The following GPR4 variants were observed in gnomAD, a reference collection of about 807,000 sequenced individuals.
The protein encoded by GPR4 is G protein-coupled receptor 4, also known as G-prodeshotein coupled receptor 4.
GPR4 carries 11 observed loss-of-function variants against 17.8 expected under a neutral mutation model. That is an observed-to-expected ratio of 0.62 (90% CI 0.39 to 1.02). The LOEUF is 1.02. Among genes scored for constraint, GPR4 ranks in the 50% least tolerant of loss-of-function variants. The pLI is 0.00. For missense variants in GPR4, 364 were observed against 495.4 expected (o/e 0.73, Z 2.52); for synonymous variants, 219 against 222.8 (o/e 0.98, Z 0.15).
chr19:45,592,817 A>T (rs551597793), intron 1 of GPR4, 120 bp from the exon 2 acceptor site: 1 of 157,480 alleles, frequency 6.4e-6, no homozygotes, highest in South Asian at 2.1e-4. Flanking sequence ...TGCCTACTTC[A>T]GCCCCATCCT....
At chr19:45,599,439 C>CT (rs1460825337) in intron 1 of GPR4, among the ~76,000 whole-genome samples, 4 of 151,438 alleles carry the variant, frequency 2.6e-5, no homozygotes, top group Non-Finnish European at 5.9e-5. Flanking sequence ...CCCCCCTCCC[C>CT]GCCTTCTCCC....
chr19:45,596,615 A>T (rs573811067), intron 1 of GPR4, among the ~76,000 whole-genome samples: 9 of 151,198 alleles, frequency 6.0e-5, no homozygotes, highest in African/African-American at 2.2e-4. Context: ...TGCAATCTTG[A>T]CTCACTGCAG....
Position 45,591,941 on chromosome 19 carries a change from G to C in GPR4, c.-75C>G. The C allele has an allele frequency of 6.7e-7, 1 of 1,483,024 alleles. No homozygotes were observed. Among genetic ancestry groups the C allele is most frequent in the Non-Finnish European group, 9.0e-7 (1 of 1,110,272 alleles). 91.9% of individuals were successfully genotyped at this position (1,483,024 alleles called of 1,614,324 possible). On this transcript the variant is annotated 5_prime_UTR_variant, in exon 2 of 2. Coordinates refer to ENST00000323040, the MANE Select transcript of GPR4 (RefSeq NM_005282.3). This position sits in a 1 kb window ranked among gnomAD's most constrained non-coding sequence, Gnocchi z 7.6. ...GGGGCCACAGGGAGCGGGAGGCCAT[G>C]GGGCCCCCTGAGCCCCTTCCTTGGA...
At chr19:45,601,674 G>A (rs1600028183) in intron 1 of GPR4, among the ~76,000 whole-genome samples, 2 of 151,984 alleles carry the variant, frequency 1.3e-5, no homozygotes, top group African/African-American at 4.8e-5. Flanking sequence ...GGAAGGGAGA[G>A]AGCAAAGAGA....
intron 1 of GPR4, among the ~76,000 whole-genome samples, chr19:45,598,681 G>A (rs1970082827): frequency 6.6e-6 from 1 of 152,140 alleles, no homozygotes; most frequent in Non-Finnish European, 1.5e-5. Context: ...CGACGTATGT[G>A]TGGCAGCTGG....
chr19:45,591,497 G>A lies in GPR4; in HGVS notation c.370C>T (p.Arg124Cys). ...TTGACGCGGCGCAGGCGGGCGAAGCGGAGTGGGTGGGCCACAGCCAGGTAG... is the reference window on the plus strand; with the variant it reads ...TTGACGCGGCGCAGGCGGGCGAAGCAGAGTGGGTGGGCCACAGCCAGGTAG... ...DRYLAVAHPL[R>C]FARLRRVKTA... The change falls in exon 2 of 2, where the codon CGC (arginine) becomes TGC (cysteine). Residue 124 changes from arginine (R) to cysteine (C), a missense_variant. By Grantham distance (180) the Arg-to-Cys change is radical (BLOSUM62 -3). Transcript: ENST00000323040. This position sits in a 1 kb window ranked among gnomAD's most constrained non-coding sequence, Gnocchi z 7.6. The A allele has an allele frequency of 1.2e-6, 2 of 1,612,008 alleles. No homozygotes were observed. The highest frequency in any genetic ancestry group is 2.2e-5 in the East Asian group (1 of 44,850).
At chr19:45,594,172 G>A (rs1031487963) in intron 1 of GPR4, among the ~76,000 whole-genome samples, 1 of 144,528 alleles carries the variant, frequency 6.9e-6, no homozygotes, top group Non-Finnish European at 1.5e-5. Flanking sequence ...CCCTGTAATC[G>A]CAGCACTTTG....
chr19:45,590,845 C>T lies in GPR4; in HGVS notation c.1022G>A (p.Ser341Asn). 1.9e-6 allele frequency: 3 copies of T among 1,611,990 alleles called. No individual in the cohort carries two copies. In the South Asian group the frequency reaches 3.3e-5, roughly 18 times the overall value. Residue 341 changes from serine to asparagine, a missense_variant, in exon 2 of 2, where the codon AGC becomes AAC. Ser to Asn is a conservative substitution (Grantham distance 46, BLOSUM62 1). Coordinates refer to ENST00000323040, the MANE Select transcript of GPR4 (RefSeq NM_005282.3). ...RNSTAKAMTG[S>N]WAATPPSQGD... Reference sequence around the variant, plus strand: ...CTGGGAGGGCGGAGTGGCCGCCCAGCTGCCAGTCATGGCTTTGGCTGTGCT... The same window carrying T: ...CTGGGAGGGCGGAGTGGCCGCCCAGTTGCCAGTCATGGCTTTGGCTGTGCT...
rs1422515396 is a variant in GPR4, at chr19:45,591,745, G to T, written c.122C>A (p.Ala41Glu). The change falls in exon 2 of 2, where the codon GCG becomes GAG. Residue 41 changes from alanine to glutamate, a missense_variant. Physicochemically the swap from Ala to Glu is moderately radical, Grantham distance 107. This residue lies in a region of GPR4 where 271 missense variants were observed against 373.1 expected (regional missense o/e 0.73). Coordinates refer to ENST00000323040, the MANE Select transcript of GPR4 (RefSeq NM_005282.3). This position sits in a 1 kb window ranked among gnomAD's most constrained non-coding sequence, Gnocchi z 7.6. ...GLPTNCLALW[A>E]AYRQVQQRNE... ...GCGCTGTTGCACCTGGCGGTAGGCC[G>T]CCCACAGAGCCAGGCAGTTGGTGGG... is the stretch of plus-strand genomic sequence containing the variant. 6.2e-7 allele frequency: 1 copy of T among 1,613,632 alleles called. No individual in the cohort carries two copies. Among genetic ancestry groups the T allele is most frequent in the African/African-American group, 1.3e-5 (1 of 74,942 alleles).
intron 1 of GPR4, among the ~76,000 whole-genome samples, chr19:45,599,433 C>CG (rs1325758192): frequency 2.6e-5 from 4 of 151,702 alleles, no homozygotes; most frequent in Non-Finnish European, 5.9e-5. Context: ...ACCACCCCCC[C>CG]CTCCCCGCCT....
intron 1 of GPR4, among the ~76,000 whole-genome samples, chr19:45,598,407 G>T (rs539153868): frequency 2.6e-5 from 4 of 151,954 alleles, no homozygotes; most frequent in African/African-American, 9.7e-5. Context: ...ACCTAACTCG[G>T]GTACCCGGGC....
chr19:45,590,948 AG>A lies in GPR4; in HGVS notation c.918del (p.Leu308TrpfsTer31). On this transcript the variant is annotated frameshift_variant, in exon 2 of 2. Coordinates refer to ENST00000323040, the MANE Select transcript of GPR4 (RefSeq NM_005282.3). LOFTEE classifies it low-confidence loss of function (END_TRUNC). ...DVAKALHNLL[R>X]FLASDKPQEM... ...TCCTGGGGCTTGTCGCTGGCCAGAAAGCGGAGCAGGTTGTGCAGGGCCTTGG... is the reference window on the plus strand; with the variant it reads ...TCCTGGGGCTTGTCGCTGGCCAGAAACGGAGCAGGTTGTGCAGGGCCTTGG... 6.2e-7 allele frequency: 1 copy of A among 1,614,076 alleles called. No individual in the cohort carries two copies. The highest frequency in any genetic ancestry group is 8.5e-7 in the Non-Finnish European group (1 of 1,180,030).
At chr19:45,599,978 C>T (rs1970096711) in intron 1 of GPR4, among the ~76,000 whole-genome samples, 1 of 152,120 alleles carries the variant, frequency 6.6e-6, no homozygotes, top group South Asian at 2.1e-4. Flanking sequence ...ATGTATTTCC[C>T]TTTTCTCTTT....
chr19:45,594,063 A>ATATATATGT (rs1555738313), intron 1 of GPR4, among the ~76,000 whole-genome samples: 1 of 36,244 alleles, frequency 2.8e-5, no homozygotes, highest in Non-Finnish European at 4.6e-5. Flanking sequence ...AAAAAAAAAA[A>ATATATATGT]ATATATATAT....
rs201440587 is a variant in GPR4 at position 45,590,792 on chromosome 19, G to A, written c.1075C>T (p.Pro359Ser). ...CCACTCGGGGTTCATTGTGCTGGCG[G>A]CAGCATCTTCAGCTGCACCTGGTCC... Reference protein sequence around the residue: ...QGDQVQLKMLPPAQ With the variant: ...QGDQVQLKMLSPAQ The change falls in exon 2 of 2, where the codon CCG becomes TCG. Residue 359 changes from proline to serine, a missense_variant. Pro to Ser is a moderately conservative substitution (Grantham distance 74). Around this residue, in one of 3 missense-constraint regions of GPR4, gnomAD observed 92 missense variants for 106.0 expected, o/e 0.87. Transcript: ENST00000323040. 48 of 1,572,196 alleles carry A rather than the reference G, an allele frequency of 3.1e-5. No individual in the cohort carries two copies. Among genetic ancestry groups the A allele is most frequent in the Middle Eastern group, 3.4e-4 (2 of 5,838 alleles).
intron 1 of GPR4, among the ~76,000 whole-genome samples, chr19:45,599,107 T>G (rs1970086939): frequency 6.6e-6 from 1 of 152,094 alleles, no homozygotes; most frequent in African/African-American, 2.4e-5. Flanking sequence ...AGGCCCCCAC[T>G]TCTTGGGTCC....
At chr19:45,592,828 A>G (rs1970012487) in intron 1 of GPR4, 131 bp from the exon 2 acceptor site, 1 of 155,794 alleles carries the variant, frequency 6.4e-6, no homozygotes, top group Non-Finnish European at 1.5e-5. Context: ...GCCCCATCCT[A>G]AGCAACCACT....
intron 1 of GPR4, among the ~76,000 whole-genome samples, chr19:45,597,108 G>A (rs542347551): frequency 4.1e-4 from 62 of 151,134 alleles, no homozygotes; most frequent in African/African-American, 1.4e-3. Context: ...TTACTCTGTC[G>A]CCCAGGCTGG....
chr19:45,598,556 T>C (rs1970081180), intron 1 of GPR4, among the ~76,000 whole-genome samples: 1 of 151,924 alleles, frequency 6.6e-6, no homozygotes, highest in African/African-American at 2.4e-5. Context: ...ATGCTGGACA[T>C]GGGGGGGAGG....
Sources: allele counts gnomAD v4.1 joint callset (sites outside exome capture counted in the v4.1 genomes callset), GRCh38; gene constraint gnomAD v4.1.1; regional missense constraint gnomAD v4.1.1; non-coding constraint Gnocchi (gnomAD v3.1); transcripts MANE v1.5; gene names NCBI Gene and HGNC (gene_info 2026-07-23, HGNC 2026-07-21).